DNAJC10: variants seen among roughly 807,000 people sequenced by gnomAD.
DNAJC10 encodes the protein DnaJ heat shock protein family (Hsp40) member C10.
A neutral mutation model predicts 115.0 loss-of-function variants in DNAJC10; 101 were observed. The ratio of observed to expected loss-of-function variants is 0.88; its 90% CI spans 0.75 to 1.04. DNAJC10 has a LOEUF of 1.04. Among genes scored for constraint, DNAJC10 ranks in the 50% least tolerant of loss-of-function variants. The probability of loss-of-function intolerance (pLI) is 0.00; values close to 1 mark genes in which losing one functional copy is unlikely to be tolerated. For missense variants in DNAJC10, 981 were observed against 928.8 expected (o/e 1.06, Z -0.73); for synonymous variants, 307 against 301.5 (o/e 1.02, Z -0.19).
chr2:182,786,371 T>C lies in DNAJC10; in HGVS notation c.*9239T>C, dbSNP rs749445309. The C allele has an allele frequency of 3.3e-5, 5 of 152,214 alleles. No homozygotes were observed. The highest frequency in any genetic ancestry group is 1.5e-5 in the Non-Finnish European group (1 of 68,036). 9.4% of individuals were successfully genotyped at this position (152,214 alleles called of 1,614,324 possible). On this transcript the variant is annotated 3_prime_UTR_variant, in exon 24 of 24. Transcript: ENST00000264065. ...GGAGCCTGAGCATCATTTCACCATT[T>C]TGAGCCTCAAGCTCTCAATATACTG...
intron 11 of DNAJC10, 137 bp downstream of exon 11, chr2:182,736,523 ATACT>A (rs1470444285): frequency 2.0e-6 from 1 of 496,152 alleles, no homozygotes; most frequent in African/African-American, 2.0e-5. Context: ...TTTAGAACAC[ATACT>A]TAATTTCTGA....
At chr2:182,755,143 T>C (rs1338639333) in intron 17 of DNAJC10, 39 bp downstream of exon 17, 2 of 1,247,562 alleles carry the variant, frequency 1.6e-6, no homozygotes, top group Admixed American at 1.7e-5. Context: ...GAAATTTGTC[T>C]GTTTCTATGT....
chr2:182,764,535 G>T (rs1694363031), intron 22 of DNAJC10, among the ~76,000 whole-genome samples: 3 of 152,092 alleles, frequency 2.0e-5, no homozygotes, highest in Non-Finnish European at 4.4e-5. Flanking sequence ...TTAAGATCAT[G>T]ACACAGGTTA....
At position 182,780,099 on chromosome 2, in the gene DNAJC10, A is replaced by G. The variant is rs543133854; in HGVS notation, c.*2967A>G. ...AAAAGTAAATAACCTTTCTGATAAT[A>G]TTCTACTTTACACATATACTGAAAA... On this transcript the variant is annotated 3_prime_UTR_variant, in exon 24 of 24. Transcript: ENST00000264065. 6.6e-6 allele frequency: 1 copy of G among 152,284 alleles called. No homozygotes were observed. The highest frequency in any genetic ancestry group is 2.1e-4 in the South Asian group (1 of 4,832). The allele number at this position is 152,284 out of a possible 1,614,324, so 9.4% of individuals were successfully genotyped here. A position where few individuals can be genotyped will look rare whatever the true frequency, so the allele number is the denominator to read the frequency against.
At chr2:182,717,335 T>A (rs967007430) in intron 2 of DNAJC10, among the ~76,000 whole-genome samples, 3 of 152,178 alleles carry the variant, frequency 2.0e-5, no homozygotes, top group African/African-American at 7.2e-5. Context: ...CTTACAATTG[T>A]TTTTCTACTA....
chr2:182,771,171 G>GCTGACTT (rs1694552299), intron 22 of DNAJC10, among the ~76,000 whole-genome samples: 1 of 152,030 alleles, frequency 6.6e-6, no homozygotes, highest in Non-Finnish European at 1.5e-5. Flanking sequence ...TGATCTTGGT[G>GCTGACTT]GATAAGCTTT....
intron 14 of DNAJC10, among the ~76,000 whole-genome samples, chr2:182,746,600 G>T (rs1693874172): frequency 6.6e-6 from 1 of 152,008 alleles, no homozygotes; most frequent in Non-Finnish European, 1.5e-5. Flanking sequence ...TTGTAAATTT[G>T]TGTGAGTTCA....
chr2:182,728,516 A>G, intron 5 of DNAJC10, 60 bp from the exon 6 acceptor site: 3 of 1,275,456 alleles, frequency 2.4e-6, no homozygotes, highest in Non-Finnish European at 3.3e-6. Flanking sequence ...GTTTTTAACT[A>G]AAATATGCAT....
rs907770413 is a variant in DNAJC10, at chr2:182,788,605, G to A, written c.*11473G>A. 8 of 261,028 alleles carry A rather than the reference G, an allele frequency of 3.1e-5. No homozygotes were observed. The Admixed American group carries it at 4.2e-4, about 14-fold the overall frequency. 16.2% of individuals were successfully genotyped at this position (261,028 alleles called of 1,614,324 possible). A position where few individuals can be genotyped will look rare whatever the true frequency, so the allele number is the denominator to read the frequency against. On this transcript the variant is annotated 3_prime_UTR_variant, in exon 24 of 24. Transcript: ENST00000264065. Reference sequence around the variant, plus strand: ...TCAAAAGGAAAAATGTTAGCAATTGGTTGTAGCAATACGTCCGTCTGTAAG... The same window carrying A: ...TCAAAAGGAAAAATGTTAGCAATTGATTGTAGCAATACGTCCGTCTGTAAG...
intron 22 of DNAJC10, among the ~76,000 whole-genome samples, chr2:182,763,160 A>G (rs776891313): frequency 8.5e-5 from 13 of 152,220 alleles, no homozygotes; most frequent in Non-Finnish European, 1.5e-4. Context: ...AGAATACTCT[A>G]TAATACACAC....
chr2:182,752,713 CAAA>C (rs61411602), intron 16 of DNAJC10: 606 of 164,014 alleles, frequency 3.7e-3, no homozygotes, highest in Non-Finnish European at 6.4e-3. Context: ...ATACTTTGGG[CAAA>C]AAAAAAAAAA....
At position 182,790,198 on chromosome 2, in the gene DNAJC10, C is replaced by A. The variant is rs1300627473; in HGVS notation, c.*13066C>A. On this transcript the variant is annotated 3_prime_UTR_variant, in exon 24 of 24. Coordinates refer to ENST00000264065, the MANE Select transcript of DNAJC10 (RefSeq NM_018981.4). ...AAGCTTTATTTAGTCCTATATTATT[C>A]TCTGATTATTCCATATGTTATCTTC... 6.6e-6 allele frequency: 1 copy of A among 152,130 alleles called. No homozygotes were observed. Among genetic ancestry groups the A allele is most frequent in the Non-Finnish European group, 1.5e-5 (1 of 68,012 alleles). The allele number at this position is 152,130 out of a possible 1,614,324, so 9.4% of individuals were successfully genotyped here.
intron 22 of DNAJC10, among the ~76,000 whole-genome samples, chr2:182,769,425 AATT>A (rs1221751915): frequency 6.6e-6 from 1 of 152,168 alleles, no homozygotes; most frequent in East Asian, 1.9e-4. Context: ...TGGTTGAACT[AATT>A]AACACTCCCA....
chr2:182,736,331 C>T lies in DNAJC10; in HGVS notation c.932C>T (p.Thr311Ile). Residue 311 changes from threonine (T) to isoleucine (I), a missense_variant, in exon 11 of 24, where the codon ACT becomes ATT. Coordinates refer to ENST00000264065, the MANE Select transcript of DNAJC10 (RefSeq NM_018981.4). ...CKSLDITTST[T>I]AYFPPGATLN... Reference sequence around the variant, plus strand: ...AGCTTAGATATTACAACAAGTACTACTGCTTATTTTCCTCCTGGAGCCACT... The same window carrying T: ...AGCTTAGATATTACAACAAGTACTATTGCTTATTTTCCTCCTGGAGCCACT... The T allele has an allele frequency of 1.3e-6, 2 of 1,591,986 alleles. No individual in the cohort carries two copies. Among genetic ancestry groups the T allele is most frequent in the South Asian group, 1.1e-5 (1 of 87,118 alleles).
intron 17 of DNAJC10, 33 bp downstream of exon 17, chr2:182,755,137 T>A: frequency 7.4e-7 from 1 of 1,359,470 alleles, no homozygotes; most frequent in Non-Finnish European, 1.1e-6. Context: ...TGACTAGAAA[T>A]TTGTCTGTTT....
intron 14 of DNAJC10, among the ~76,000 whole-genome samples, chr2:182,749,744 C>T (rs1177524469): frequency 6.6e-6 from 1 of 152,082 alleles, no homozygotes; most frequent in Non-Finnish European, 1.5e-5. Flanking sequence ...TTGTCTATTG[C>T]TTAGTAGTAA....
intron 22 of DNAJC10, among the ~76,000 whole-genome samples, chr2:182,768,012 A>G (rs963209943): frequency 6.6e-6 from 1 of 151,962 alleles, no homozygotes; most frequent in Non-Finnish European, 1.5e-5. Context: ...TGTGCCCCCC[A>G]CATTTTGAAG....
chr2:182,736,347 T>C lies in DNAJC10; in HGVS notation c.948T>C (p.Pro316=). ...ITTSTTAYFP[P]GATLNNKEKN... is the part of the protein sequence containing the mutation. ...CAAGTACTACTGCTTATTTTCCTCC[T>C]GGAGCCACTTTAAATAACAAAGAGA... Residue 316 remains proline (P), a synonymous_variant, in exon 11 of 24, where the codon CCT becomes CCC. Transcript: ENST00000264065. 1 of 1,585,644 alleles carries C rather than the reference T, an allele frequency of 6.3e-7. No homozygotes were observed. The highest frequency in any genetic ancestry group is 1.8e-5 in the Admixed American group (1 of 54,380).
chr2:182,718,049 T>C lies in DNAJC10; in HGVS notation c.-38T>C. 6.7e-7 allele frequency: 1 copy of C among 1,498,646 alleles called. No individual in the cohort carries two copies. The highest frequency in any genetic ancestry group is 1.3e-5 in the South Asian group (1 of 79,990). The allele number at this position is 1,498,646 out of a possible 1,614,324, so 92.8% of individuals were successfully genotyped here. ...ATCAACTGGAACCAGCAGTGAATCT[T>C]AATGTTCACTTAAATCAGAACTTGC... On this transcript the variant is annotated 5_prime_UTR_variant, in exon 3 of 24. Transcript: ENST00000264065.
Sources: gnomAD v4.1 joint callset for allele counts (sites outside exome capture counted in the v4.1 genomes callset) on GRCh38, gnomAD v4.1.1 for gene constraint, MANE v1.5 for transcripts, NCBI Gene and HGNC (gene_info 2026-07-23, HGNC 2026-07-21) for gene names.